KCNN2: variants seen among roughly 807,000 people sequenced by gnomAD.
KCNN2 encodes the protein potassium calcium-activated channel subfamily N member 2.
A neutral mutation model predicts 55.5 loss-of-function variants in KCNN2; 24 were observed. The ratio of observed to expected loss-of-function variants is 0.43; its 90% CI spans 0.31 to 0.61. KCNN2 has a LOEUF of 0.61. Among genes scored for constraint, KCNN2 ranks in the 20% least tolerant of loss-of-function variants. The pLI, the probability that KCNN2 is intolerant of heterozygous loss-of-function variation, is 0.08. For missense variants in KCNN2, 754 were observed against 853.6 expected, an observed-to-expected ratio of 0.88 and a Z score of 1.45; for synonymous variants, 431 against 336.1, an observed-to-expected ratio of 1.28 and a Z score of -3.09.
intron 1 of KCNN2, among the ~76,000 whole-genome samples, chr5:114,109,384 A>T (rs888666831): frequency 1.3e-5 from 2 of 152,098 alleles, no homozygotes; most frequent in Non-Finnish European, 2.9e-5. Context: ...ACTTTGCCTT[A>T]TGCTCTTGGT....
At chr5:114,168,172 T>TACACAC (rs769162956) in intron 1 of KCNN2, among the ~76,000 whole-genome samples, 2,168 of 127,180 alleles carry the variant, frequency 0.017, 21 homozygotes, top group Non-Finnish European at 0.025. Flanking sequence ...TGTGGATATA[T>TACACAC]ATACACACAC....
intron 2 of KCNN2, among the ~76,000 whole-genome samples, chr5:114,240,309 A>G (rs1754591216): frequency 6.6e-6 from 1 of 152,010 alleles, no homozygotes; most frequent in African/African-American, 2.4e-5. Context: ...TTTATTCCTC[A>G]TAAAAGCTTA....
intron 2 of KCNN2, among the ~76,000 whole-genome samples, chr5:114,376,393 G>A (rs1410865380): frequency 6.6e-6 from 1 of 152,202 alleles, no homozygotes; most frequent in Non-Finnish European, 1.5e-5. Context: ...CTCTGCACTA[G>A]TGTGCAAGAA....
intron 2 of KCNN2, among the ~76,000 whole-genome samples, chr5:114,274,675 A>G (rs1755446175): frequency 6.6e-6 from 1 of 152,152 alleles, no homozygotes; most frequent in African/African-American, 2.4e-5. Context: ...TGATTTTTGC[A>G]CATTGATTTT....
At chr5:114,396,269 A>G (rs1394612613) in intron 2 of KCNN2, among the ~76,000 whole-genome samples, 3 of 152,114 alleles carry the variant, frequency 2.0e-5, no homozygotes, top group African/African-American at 4.8e-5. Context: ...TATTTGGTGA[A>G]TCAGGAGAAA....
intron 1 of KCNN2, among the ~76,000 whole-genome samples, chr5:114,117,519 A>C (rs569453354): frequency 6.6e-6 from 1 of 152,344 alleles, no homozygotes; most frequent in South Asian, 2.1e-4. Context: ...GGGTGACAAC[A>C]GTCTGCCTTT....
chr5:114,385,100 G>C (rs1339193639), intron 2 of KCNN2, among the ~76,000 whole-genome samples: 2 of 152,040 alleles, frequency 1.3e-5, no homozygotes, highest in Non-Finnish European at 2.9e-5. Flanking sequence ...GCCCTATTTT[G>C]TTTCTGTTAA....
At chr5:114,446,714 G>C (rs1760423305) in intron 3 of KCNN2, among the ~76,000 whole-genome samples, 1 of 152,232 alleles carries the variant, frequency 6.6e-6, no homozygotes, top group South Asian at 2.1e-4. Context: ...AGCTGCCTCA[G>C]CCTCCCAAAT....
intron 5 of KCNN2, among the ~76,000 whole-genome samples, chr5:114,484,023 G>C (rs1377243084): frequency 6.6e-6 from 1 of 152,112 alleles, no homozygotes; most frequent in Non-Finnish European, 1.5e-5. Flanking sequence ...ATATGAATCT[G>C]TATACCCTTG....
intron 3 of KCNN2, among the ~76,000 whole-genome samples, chr5:114,449,896 A>G (rs1281791167): frequency 1.1e-5 from 1 of 88,818 alleles, no homozygotes; most frequent in African/African-American, 3.1e-5. Flanking sequence ...ACACACACAC[A>G]CACACACACA....
intron 1 of KCNN2, among the ~76,000 whole-genome samples, chr5:114,195,771 A>G (rs1044813731): frequency 5.3e-5 from 8 of 152,018 alleles, no homozygotes; most frequent in Non-Finnish European, 1.0e-4. Flanking sequence ...ATTTTAGAAG[A>G]CAAGCAACCA....
At chr5:114,350,383 T>A (rs636198) in intron 2 of KCNN2, among the ~76,000 whole-genome samples, 1 of 151,438 alleles carries the variant, frequency 6.6e-6, no homozygotes, top group African/African-American at 2.4e-5. Context: ...ATCTATGATT[T>A]GTAAATATTT....
intron 2 of KCNN2, among the ~76,000 whole-genome samples, chr5:114,254,260 A>T (rs981494277): frequency 8.5e-5 from 13 of 152,132 alleles, no homozygotes; most frequent in East Asian, 5.8e-4. Context: ...TATTTTTTTT[A>T]AAAAAATAAG....
chr5:114,211,518 C>G (rs576977004), intron 1 of KCNN2, among the ~76,000 whole-genome samples: 143 of 152,172 alleles, frequency 9.4e-4, no homozygotes, highest in African/African-American at 3.4e-3. Context: ...GGTGAGAATT[C>G]ATGGACACAA....
chr5:114,104,828 G>A (rs889123065), intron 1 of KCNN2, among the ~76,000 whole-genome samples: 4 of 151,892 alleles, frequency 2.6e-5, no homozygotes, highest in Non-Finnish European at 5.9e-5. Context: ...AGGAAAGGAG[G>A]GGAAGAGAGA....
At chr5:114,147,431 A>G (rs1561495121) in intron 1 of KCNN2, among the ~76,000 whole-genome samples, 1 of 152,216 alleles carries the variant, frequency 6.6e-6, no homozygotes, top group Non-Finnish European at 1.5e-5. Flanking sequence ...TGAAGTGACC[A>G]TTTGATCAAG....
At chr5:114,160,618 A>G (rs1251102825) in intron 1 of KCNN2, among the ~76,000 whole-genome samples, 3 of 152,078 alleles carry the variant, frequency 2.0e-5, no homozygotes, top group African/African-American at 7.2e-5. Flanking sequence ...AAAGTCTCCC[A>G]TTATTATTGT....
intron 2 of KCNN2, among the ~76,000 whole-genome samples, chr5:114,403,498 G>A (rs1758845535): frequency 6.6e-6 from 1 of 152,124 alleles, no homozygotes; most frequent in South Asian, 2.1e-4. Flanking sequence ...TTGAAGCATG[G>A]CTGGCATCCC....
intron 2 of KCNN2, among the ~76,000 whole-genome samples, chr5:114,238,583 G>A (rs1401854068): frequency 1.3e-5 from 2 of 151,558 alleles, no homozygotes; most frequent in Admixed American, 6.6e-5. Flanking sequence ...CCAAGATCGC[G>A]GCACTGCACT....
Sources: gnomAD v4.1 joint callset for allele counts (sites outside exome capture counted in the v4.1 genomes callset) on GRCh38, gnomAD v4.1.1 for gene constraint, MANE v1.5 for transcripts, NCBI Gene and HGNC (gene_info 2026-07-23, HGNC 2026-07-21) for gene names.